The following LRP1B variants were observed in gnomAD, a reference collection of about 807,000 sequenced individuals.
The protein encoded by LRP1B is low-density lipoprotein receptor-related protein 1B.
In LRP1B, 217 loss-of-function variants were observed where a neutral mutation model predicts 556.6. The observed-to-expected ratio is 0.39, with a 90% CI of 0.35 to 0.44. The LOEUF is 0.44. Ranked by LOEUF, LRP1B falls within the 20% of genes least tolerant of loss-of-function variation. The pLI is 1.00. For synonymous variants in LRP1B, 2,047 were observed against 1,865.8 expected, an observed-to-expected ratio of 1.10 and a Z score of -2.50; for missense variants, 5,053 against 5,620.8, an observed-to-expected ratio of 0.90 and a Z score of 3.23.
chr2:142,122,944 T>C (rs766338399), intron 1 of LRP1B, among the ~76,000 whole-genome samples: 1 of 152,084 alleles, frequency 6.6e-6, no homozygotes, highest in African/African-American at 2.4e-5. Flanking sequence ...CTCTATAATA[T>C]CTATTTTAGC....
At chr2:141,591,232 G>A (rs1179692678) in intron 2 of LRP1B, among the ~76,000 whole-genome samples, 1 of 151,958 alleles carries the variant, frequency 6.6e-6, no homozygotes, top group Non-Finnish European at 1.5e-5. Flanking sequence ...GTAGCTTCTT[G>A]CACTCCCCAT....
chr2:141,911,310 G>T (rs1260906275), intron 1 of LRP1B, among the ~76,000 whole-genome samples: 1 of 152,102 alleles, frequency 6.6e-6, no homozygotes, highest in Non-Finnish European at 1.5e-5. Context: ...TCCATTTGGA[G>T]AATTCCAGTT....
intron 2 of LRP1B, among the ~76,000 whole-genome samples, chr2:141,531,933 T>C (rs1262169476): frequency 1.7e-4 from 26 of 152,166 alleles, no homozygotes; most frequent in Admixed American, 3.3e-4. Flanking sequence ...ATTGGAATTA[T>C]AAGTGCTAGC....
intron 18 of LRP1B, among the ~76,000 whole-genome samples, chr2:140,964,317 G>A (rs1315588808): frequency 6.6e-6 from 1 of 152,200 alleles, no homozygotes; most frequent in Admixed American, 6.5e-5. Context: ...AGGGAGACAG[G>A]CCTCCGGATA....
At chr2:141,510,920 C>T (rs972741261) in intron 2 of LRP1B, among the ~76,000 whole-genome samples, 14 of 149,996 alleles carry the variant, frequency 9.3e-5, no homozygotes, top group Admixed American at 8.7e-4. Flanking sequence ...CCCACACAAA[C>T]ATACACACAA....
At chr2:141,795,097 T>C (rs1695758305) in intron 2 of LRP1B, among the ~76,000 whole-genome samples, 1 of 152,104 alleles carries the variant, frequency 6.6e-6, no homozygotes. Context: ...AAAGAAAAGC[T>C]AATTGATCAA....
chr2:140,490,939 C>T lies in LRP1B; in HGVS notation c.9120+1669G>A, dbSNP rs544490979. Among the ~76,000 whole-genome samples the T allele has an allele frequency of 5.3e-5, 8 of 152,144 alleles. No individual in the cohort carries two copies. The East Asian group carries it at 1.5e-3, about 29-fold the overall frequency. On this transcript the variant is annotated intron_variant, in intron 57 of 90. Coordinates refer to ENST00000389484, the MANE Select transcript of LRP1B (RefSeq NM_018557.3). ...AGAAAGTATCCGAAACTCATCCCCA[C>T]TTAGGTACTAATGACTGGCAACAGT...
At chr2:140,884,167 A>G (rs1249125001) in intron 24 of LRP1B, 146 bp from the exon 25 acceptor site, 1 of 683,148 alleles carries the variant, frequency 1.5e-6, no homozygotes, top group Non-Finnish European at 2.4e-6. Flanking sequence ...TACCTAGCAC[A>G]GGTAAAACCA....
chr2:140,733,603 C>T (rs1052035758), intron 35 of LRP1B, among the ~76,000 whole-genome samples: 4 of 151,986 alleles, frequency 2.6e-5, no homozygotes, highest in Non-Finnish European at 5.9e-5. Flanking sequence ...TGAAAGAAAC[C>T]AGGCACAAAA....
intron 7 of LRP1B, among the ~76,000 whole-genome samples, chr2:141,146,113 C>G (rs1053507584): frequency 4.0e-5 from 6 of 151,604 alleles, no homozygotes; most frequent in African/African-American, 1.2e-4. Flanking sequence ...TTAGTAGAGA[C>G]AGGATTTTGC....
chr2:141,331,009 C>T (rs1029267336), intron 3 of LRP1B, among the ~76,000 whole-genome samples: 4 of 152,134 alleles, frequency 2.6e-5, no homozygotes, highest in Non-Finnish European at 4.4e-5. Context: ...CCGTCCGCCT[C>T]GGCCTCCCAA....
At chr2:141,075,985 T>C (rs898249755) in intron 7 of LRP1B, among the ~76,000 whole-genome samples, 1 of 152,226 alleles carries the variant, frequency 6.6e-6, no homozygotes, top group African/African-American at 2.4e-5. Flanking sequence ...CATAGGATTA[T>C]ACAGATTAAA....
At chr2:141,563,491 T>C (rs903250570) in intron 2 of LRP1B, among the ~76,000 whole-genome samples, 1 of 151,764 alleles carries the variant, frequency 6.6e-6, no homozygotes, top group East Asian at 1.9e-4. Flanking sequence ...TAGAAGAAAA[T>C]GAATGAAATA....
intron 2 of LRP1B, among the ~76,000 whole-genome samples, chr2:141,566,936 T>C (rs16846509): frequency 0.083 from 12,561 of 152,182 alleles, 670 homozygotes; most frequent in South Asian, 0.19. Context: ...CTTAAAGAAA[T>C]TGTATCATTG....
intron 3 of LRP1B, among the ~76,000 whole-genome samples, chr2:141,355,572 C>T (rs1175156003): frequency 1.3e-5 from 2 of 152,092 alleles, no homozygotes; most frequent in Admixed American, 6.6e-5. Flanking sequence ...TATAATCATG[C>T]TTCATGGATG....
At chr2:140,272,258 AACACACACAC>A (rs10654741) in intron 85 of LRP1B, among the ~76,000 whole-genome samples, 43,478 of 149,366 alleles carry the variant, frequency 0.29, 7,469 homozygotes, top group Non-Finnish European at 0.4. Context: ...TGCACACACA[AACACACACAC>A]ACACACACAC....
intron 66 of LRP1B, among the ~76,000 whole-genome samples, chr2:140,427,394 C>G (rs766347650): frequency 3.3e-5 from 5 of 152,090 alleles, no homozygotes; most frequent in Admixed American, 6.6e-5. Flanking sequence ...CTATAGGCAA[C>G]CTTCCACCCT....
chr2:140,348,489 C>CTGTT (rs1341745292), intron 77 of LRP1B, among the ~76,000 whole-genome samples: 1 of 152,050 alleles, frequency 6.6e-6, no homozygotes, highest in Non-Finnish European at 1.5e-5. Flanking sequence ...TGCACTCCTA[C>CTGTT]TGTTATGCAT....
chr2:141,604,065 A>C (rs1471673), intron 2 of LRP1B, among the ~76,000 whole-genome samples: 48,978 of 151,966 alleles, frequency 0.32, 9,602 homozygotes, highest in African/African-American at 0.55. Context: ...AAAAGCTACC[A>C]AAAACAAAAC....
Sources: allele counts gnomAD v4.1 joint callset (sites outside exome capture counted in the v4.1 genomes callset), GRCh38; gene constraint gnomAD v4.1.1; transcripts MANE v1.5; gene names NCBI Gene and HGNC (gene_info 2026-07-23, HGNC 2026-07-21).